ADAP1: variants seen among roughly 807,000 people sequenced by gnomAD.
The protein encoded by ADAP1 is ArfGAP with dual PH domains 1.
Under a neutral mutation model 54.9 loss-of-function variants are expected in ADAP1, and 31 were observed. The observed-to-expected ratio is 0.56, with a 90% CI of 0.42 to 0.76. The LOEUF (loss-of-function observed/expected upper bound fraction) is 0.76, where lower values mean the gene tolerates loss of function less well. Ranked by LOEUF, ADAP1 falls within the 30% of genes least tolerant of loss-of-function variation. The pLI is 0.00. For synonymous variants in ADAP1, 313 were observed against 202.6 expected, an observed-to-expected ratio of 1.55 and a Z score of -4.63; for missense variants, 535 against 512.4, an observed-to-expected ratio of 1.04 and a Z score of -0.42.
rs560716538 is a variant in ADAP1, at chr7:920,468, G to A, written c.306-418C>T. Among the ~76,000 whole-genome samples the A allele has an allele frequency of 1.7e-3, 245 of 147,328 alleles. 1 individual carries two copies. The highest frequency in any genetic ancestry group is 5.9e-3 in the African/African-American group (231 of 39,486). ...CTCCCCACCTCGTTGGACCGGATCT[G>A]GGAAGTGGCCGCGGCGCCGCCCTCC... is the stretch of plus-strand genomic sequence containing the variant. On this transcript the variant is annotated intron_variant, in intron 3 of 10. Transcript: ENST00000265846. The surrounding 1 kb of genome is among the most constrained non-coding windows in gnomAD (Gnocchi z 4.5).
Position 900,700 on chromosome 7 carries a change from G to A in ADAP1, c.649-84C>T, listed in dbSNP as rs796284490. Reference sequence around the variant, plus strand: ...CAGAGGGGCTGGGGTCCCCACAGAGGGGCCGCTTCCCCCAGAGCCCAGCCC... The same window carrying A: ...CAGAGGGGCTGGGGTCCCCACAGAGAGGCCGCTTCCCCCAGAGCCCAGCCC... On this transcript the variant is annotated intron_variant, in intron 6 of 10. Transcript: ENST00000265846. 3 of 1,214,790 alleles carry A rather than the reference G, an allele frequency of 2.5e-6. No homozygotes were observed. The African/African-American group carries it at 4.6e-5, about 18-fold the overall frequency. The allele number at this position is 1,214,790 out of a possible 1,614,324, so 75.3% of individuals were successfully genotyped here. A position where few individuals can be genotyped will look rare whatever the true frequency, so the allele number is the denominator to read the frequency against.
chr7:917,265 G>A, intron 4 of ADAP1, among the ~76,000 whole-genome samples: 1 of 26,036 alleles, frequency 3.8e-5, no homozygotes, highest in Non-Finnish European at 7.7e-5. Context: ...GCACGGGAGG[G>A]GGGCGCAGTG....
Position 946,462 on chromosome 7 carries a change from AG to A in ADAP1, c.82+7933del, listed in dbSNP as rs2128112039. Among the ~76,000 whole-genome samples, 1 of 152,174 alleles carries A rather than the reference AG, an allele frequency of 6.6e-6. No homozygotes were observed. The highest frequency in any genetic ancestry group is 1.9e-4 in the East Asian group (1 of 5,142). ...AGATCCGCTGGCCCCTACCCGGTTC[AG>A]GGACACGTGCCCCTCTCCTGGATCC... On this transcript the variant is annotated intron_variant, in intron 1 of 10. Coordinates refer to ENST00000265846, the MANE Select transcript of ADAP1 (RefSeq NM_006869.4). The surrounding 1 kb of genome is among the most constrained non-coding windows in gnomAD (Gnocchi z 4.3).
chr7:925,436 C>T (rs1180813819), intron 3 of ADAP1, among the ~76,000 whole-genome samples: 7 of 151,728 alleles, frequency 4.6e-5, no homozygotes, highest in African/African-American at 1.7e-4. Context: ...TTCCTCCCCT[C>T]TCCCTCCTCC....
intron 1 of ADAP1, among the ~76,000 whole-genome samples, chr7:940,081 C>G (rs571718555): frequency 3.5e-4 from 53 of 152,246 alleles, no homozygotes; most frequent in African/African-American, 1.3e-3. Flanking sequence ...TCACATCCTC[C>G]TTGGTATTTG....
chr7:932,817 G>A (rs368312443), intron 2 of ADAP1, among the ~76,000 whole-genome samples: 2 of 152,222 alleles, frequency 1.3e-5, no homozygotes, highest in Admixed American at 6.5e-5. Context: ...GAGGGGATTC[G>A]CAGGGACGCC....
At chr7:899,615 G>A (rs964924162) in intron 8 of ADAP1, 125 bp from the exon 9 acceptor site, 55 of 1,117,140 alleles carry the variant, frequency 4.9e-5, no homozygotes, top group African/African-American at 9.4e-5. Flanking sequence ...ATTCACTCAC[G>A]CCTGCCGCTG....
At chr7:923,403 C>A (rs1341987082) in intron 3 of ADAP1, 4 of 151,840 alleles carry the variant, frequency 2.6e-5, no homozygotes, top group African/African-American at 9.7e-5. Context: ...ACACAGGAAG[C>A]AGGGAGGGGC....
chr7:914,791 C>A (rs1445281119), intron 4 of ADAP1, among the ~76,000 whole-genome samples: 2 of 152,176 alleles, frequency 1.3e-5, no homozygotes. Context: ...AGACAGCAGC[C>A]TGGAGCACAG....
At chr7:947,638 C>T (rs1015258134) in intron 1 of ADAP1, among the ~76,000 whole-genome samples, 6 of 152,076 alleles carry the variant, frequency 3.9e-5, no homozygotes, top group African/African-American at 9.7e-5. Context: ...TATTTCAAGA[C>T]GATCCAGGCT....
chr7:950,355 G>A (rs1346081432), intron 1 of ADAP1, among the ~76,000 whole-genome samples: 2 of 152,026 alleles, frequency 1.3e-5, no homozygotes, highest in South Asian at 2.1e-4. Context: ...GCATGGCAGC[G>A]TGCACCTGTA....
At chr7:899,536 C>A in intron 8 of ADAP1, 46 bp from the exon 9 acceptor site, 1 of 1,590,480 alleles carries the variant, frequency 6.3e-7, no homozygotes. Context: ...CCGAGGCAGG[C>A]CCTACATCCA....
chr7:947,639 G>A (rs560574523), intron 1 of ADAP1, among the ~76,000 whole-genome samples: 3 of 152,070 alleles, frequency 2.0e-5, no homozygotes, highest in East Asian at 1.9e-4. Flanking sequence ...ATTTCAAGAC[G>A]ATCCAGGCTT....
intron 4 of ADAP1, among the ~76,000 whole-genome samples, chr7:914,733 G>A (rs1845861409): frequency 6.6e-6 from 1 of 152,176 alleles, no homozygotes; most frequent in African/African-American, 2.4e-5. Context: ...AAGGAGACAG[G>A]CAGGGCATCT....
intron 3 of ADAP1, chr7:922,852 C>G (rs1181573934): frequency 3.4e-4 from 49 of 145,198 alleles, no homozygotes; most frequent in African/African-American, 1.3e-3. Context: ...AACACCCCCA[C>G]CCCCGCCACC....
At chr7:927,756 G>C (rs1028582036) in intron 2 of ADAP1, among the ~76,000 whole-genome samples, 2 of 152,180 alleles carry the variant, frequency 1.3e-5, no homozygotes, top group African/African-American at 4.8e-5. Context: ...GTCTCCAAGG[G>C]AAAACTGGCG....
chr7:910,612 G>T (rs1845684165), intron 4 of ADAP1, among the ~76,000 whole-genome samples: 1 of 152,218 alleles, frequency 6.6e-6, no homozygotes, highest in South Asian at 2.1e-4. Context: ...ATGCAAAGTA[G>T]ATGTAAATCA....
At chr7:951,963 G>C (rs528967810) in intron 1 of ADAP1, among the ~76,000 whole-genome samples, 2 of 152,152 alleles carry the variant, frequency 1.3e-5, no homozygotes, top group African/African-American at 4.8e-5. Context: ...CACCGCGCCC[G>C]GTCCCTGTCC....
At chr7:903,876 G>A (rs1844949033) in intron 6 of ADAP1, 18 of 455,476 alleles carry the variant, frequency 4.0e-5, no homozygotes, top group Middle Eastern at 1.2e-3. Flanking sequence ...TCCGGCTCCT[G>A]GGCAGCCCGG....
Sources: gnomAD v4.1 joint callset for allele counts (sites outside exome capture counted in the v4.1 genomes callset) on GRCh38, gnomAD v4.1.1 for gene constraint, Gnocchi (gnomAD v3.1) non-coding constraint, MANE v1.5 for transcripts, NCBI Gene and HGNC (gene_info 2026-07-23, HGNC 2026-07-21) for gene names.